Variants in ITGBL1 observed in about 807,000 individuals in gnomAD.
ITGBL1 encodes the protein integrin beta-like protein 1.
ITGBL1 carries 51 observed loss-of-function variants against 68.5 expected under a neutral mutation model. The observed-to-expected ratio is 0.74, with a 90% CI of 0.59 to 0.94. The LOEUF (loss-of-function observed/expected upper bound fraction) is 0.94, where lower values mean the gene tolerates loss of function less well. Ranked by LOEUF, ITGBL1 falls within the 40% of genes least tolerant of loss-of-function variation. ITGBL1 has a pLI of 0.00. For synonymous variants in ITGBL1, 209 were observed against 227.3 expected, an observed-to-expected ratio of 0.92 and a Z score of 0.72; for missense variants, 649 against 647.4, an observed-to-expected ratio of 1.00 and a Z score of -0.03.
downstream of ITGBL1, chr13:101,717,501 A>C (rs1474865310): frequency 6.6e-6 from 1 of 152,116 alleles, no homozygotes; most frequent in Non-Finnish European, 1.5e-5. Context: ...TTTTGTAGCA[A>C]TTTTGATGAC....
chr13:101,662,218 T>C (rs1416104001), intron 7 of ITGBL1, among the ~76,000 whole-genome samples: 1 of 152,198 alleles, frequency 6.6e-6, no homozygotes, highest in East Asian at 1.9e-4. Context: ...GGCAATTTCC[T>C]GTTACTTCAA....
chr13:101,666,245 A>T (rs2033214106), intron 7 of ITGBL1, among the ~76,000 whole-genome samples: 1 of 152,134 alleles, frequency 6.6e-6, no homozygotes, highest in African/African-American at 2.4e-5. Context: ...CAACTGAATG[A>T]ACCCTTTGTA....
At chr13:101,605,369 C>CGT (rs2030717401) in intron 7 of ITGBL1, among the ~76,000 whole-genome samples, 1 of 145,692 alleles carries the variant, frequency 6.9e-6, no homozygotes, top group African/African-American at 2.6e-5. Context: ...TGTGCATATG[C>CGT]GTATATATAC....
At chr13:101,460,448 A>T (rs867041955) in intron 2 of ITGBL1, among the ~76,000 whole-genome samples, 1 of 152,294 alleles carries the variant, frequency 6.6e-6, no homozygotes, top group Middle Eastern at 3.4e-3. Flanking sequence ...TCTTACATTC[A>T]TCTGTGTTCG....
chr13:101,513,725 A>G (rs575226042), intron 2 of ITGBL1, among the ~76,000 whole-genome samples: 1 of 152,196 alleles, frequency 6.6e-6, no homozygotes, highest in South Asian at 2.1e-4. Context: ...ATGAAGAACC[A>G]TTGACCCCAT....
chr13:101,454,167 C>G, intron 2 of ITGBL1, 67 bp downstream of exon 2: 1 of 1,225,180 alleles, frequency 8.2e-7, no homozygotes, highest in South Asian at 1.9e-5. Context: ...TCTGCCACTC[C>G]CTAGAAGAGT....
At chr13:101,545,191 C>T (rs896750006) in intron 2 of ITGBL1, among the ~76,000 whole-genome samples, 1 of 152,194 alleles carries the variant, frequency 6.6e-6, no homozygotes, top group Non-Finnish European at 1.5e-5. Flanking sequence ...GCCATCTTGG[C>T]CCCACCCCTA....
chr13:101,587,622 A>G (rs2050579209), intron 6 of ITGBL1, among the ~76,000 whole-genome samples: 1 of 152,162 alleles, frequency 6.6e-6, no homozygotes, highest in Non-Finnish European at 1.5e-5. Flanking sequence ...CTTAAACTTT[A>G]TCGTTCAGCT....
chr13:101,573,936 A>G (rs532862904), intron 3 of ITGBL1, among the ~76,000 whole-genome samples: 1 of 152,208 alleles, frequency 6.6e-6, no homozygotes, highest in East Asian at 1.9e-4. Flanking sequence ...TATTTGTTCC[A>G]TTCTAAACTC....
chr13:101,455,314 G>A (rs2048228193), intron 2 of ITGBL1, among the ~76,000 whole-genome samples: 1 of 152,168 alleles, frequency 6.6e-6, no homozygotes, highest in Admixed American at 6.5e-5. Flanking sequence ...GAAATTTGGA[G>A]GGGCGCAGGT....
At chr13:101,625,919 A>AT (rs1224748356) in intron 7 of ITGBL1, among the ~76,000 whole-genome samples, 1 of 152,092 alleles carries the variant, frequency 6.6e-6, no homozygotes, top group Non-Finnish European at 1.5e-5. Context: ...CTGCACATGT[A>AT]TTTTTCATCA....
intron 7 of ITGBL1, among the ~76,000 whole-genome samples, chr13:101,689,800 G>A (rs139899063): frequency 0.011 from 1,672 of 152,166 alleles, 38 homozygotes; most frequent in African/African-American, 0.038. Context: ...TGTGAAATAA[G>A]CACACCATGG....
chr13:101,538,209 A>G (rs2049613396), intron 2 of ITGBL1, among the ~76,000 whole-genome samples: 1 of 152,110 alleles, frequency 6.6e-6, no homozygotes, highest in Admixed American at 6.6e-5. Flanking sequence ...CTAGATCCAT[A>G]TTCTACTTTT....
intron 2 of ITGBL1, among the ~76,000 whole-genome samples, chr13:101,500,628 T>A (rs2048927013): frequency 6.6e-6 from 1 of 152,226 alleles, no homozygotes; most frequent in Non-Finnish European, 1.5e-5. Context: ...AAACTGCCCC[T>A]TCTCTGATAT....
chr13:101,487,511 A>G (rs534239020), intron 2 of ITGBL1, among the ~76,000 whole-genome samples: 6 of 152,368 alleles, frequency 3.9e-5, no homozygotes, highest in African/African-American at 1.4e-4. Context: ...AATATTTAAT[A>G]TAAATCAATG....
intron 2 of ITGBL1, among the ~76,000 whole-genome samples, chr13:101,464,392 A>G (rs2048355481): frequency 6.6e-6 from 1 of 151,926 alleles, no homozygotes; most frequent in African/African-American, 2.4e-5. Flanking sequence ...CTTGGCTTGT[A>G]CCCCAAGTGT....
At chr13:101,595,595 G>GA (rs1377994772) in intron 6 of ITGBL1, among the ~76,000 whole-genome samples, 1 of 152,040 alleles carries the variant, frequency 6.6e-6, no homozygotes, top group Non-Finnish European at 1.5e-5. Flanking sequence ...GTGGGTATAT[G>GA]AAAAAAGTGC....
At chr13:101,514,332 G>T (rs952998084) in intron 2 of ITGBL1, among the ~76,000 whole-genome samples, 1 of 152,072 alleles carries the variant, frequency 6.6e-6, no homozygotes, top group African/African-American at 2.4e-5. Flanking sequence ...CACTGAAATT[G>T]CCATGACTTA....
chr13:101,599,690 G>T (rs891230068), intron 7 of ITGBL1, among the ~76,000 whole-genome samples: 2 of 152,150 alleles, frequency 1.3e-5, no homozygotes, highest in Non-Finnish European at 2.9e-5. Context: ...TTATTAAATA[G>T]GGAATCCTTT....
Sources: allele counts gnomAD v4.1 joint callset (sites outside exome capture counted in the v4.1 genomes callset), GRCh38; gene constraint gnomAD v4.1.1; transcripts MANE v1.5; gene names NCBI Gene and HGNC (gene_info 2026-07-23, HGNC 2026-07-21).